SLC35F3: variants seen among roughly 807,000 people sequenced by gnomAD.
SLC35F3 encodes the protein solute carrier family 35 member F3, also known as putative thiamine transporter SLC35F3.
In SLC35F3, 25 loss-of-function variants were observed where a neutral mutation model predicts 49.9. The observed-to-expected ratio is 0.50, with a 90% confidence interval of 0.37 to 0.70. SLC35F3 has a LOEUF of 0.70. Among genes scored for constraint, SLC35F3 ranks in the 30% least tolerant of loss-of-function variants. The pLI is 0.00. For missense variants in SLC35F3, 525 were observed against 639.8 expected, an observed-to-expected ratio of 0.82 and a Z score of 1.94; for synonymous variants, 275 against 265.4, an observed-to-expected ratio of 1.04 and a Z score of -0.35.
chr1:234,243,342 C>T lies in SLC35F3; in HGVS notation c.608+11601C>T, dbSNP rs147260863. 2.6e-3 allele frequency among the ~76,000 whole-genome samples: 394 copies of T among 151,962 alleles called. 2 individuals are homozygous for T. Among genetic ancestry groups the T allele is most frequent in the African/African-American group, 8.7e-3 (360 of 41,440 alleles). ...TAGCCTGGGCGACAGAGTGAGACTC[C>T]GCCTCAAAAAAAAATAATAAAGTGT... On this transcript the variant is annotated intron_variant, in intron 3 of 7. Transcript: ENST00000366618.
intron 2 of SLC35F3, chr1:234,213,740 G>A: frequency 6.6e-6 from 1 of 152,350 alleles, no homozygotes; most frequent in Non-Finnish European, 1.5e-5. Flanking sequence ...GACTGAGGCG[G>A]TGGGGTGGGA....
intron 5 of SLC35F3, 80 bp downstream of exon 5, chr1:234,316,807 A>G (rs1657500978): frequency 6.7e-7 from 1 of 1,500,516 alleles, no homozygotes; most frequent in Admixed American, 1.9e-5. Flanking sequence ...CTTGTCCTTT[A>G]CTTTTCAACA....
chr1:234,159,311 G>T (rs1455520858), intron 2 of SLC35F3, among the ~76,000 whole-genome samples: 2 of 152,168 alleles, frequency 1.3e-5, no homozygotes, highest in Non-Finnish European at 2.9e-5. Context: ...GGGCACGGTG[G>T]TTCACGCCTG....
chr1:234,031,937 C>CA, intron 2 of SLC35F3, among the ~76,000 whole-genome samples: 1 of 152,154 alleles, frequency 6.6e-6, no homozygotes, highest in Non-Finnish European at 1.5e-5. Flanking sequence ...ATACATGAAT[C>CA]AAATAGTTTT....
chr1:234,026,313 G>GT (rs1182987415), intron 2 of SLC35F3, among the ~76,000 whole-genome samples: 1 of 152,170 alleles, frequency 6.6e-6, no homozygotes, highest in Non-Finnish European at 1.5e-5. Context: ...TTTTAGAATA[G>GT]TTTTTTATAG....
intron 2 of SLC35F3, among the ~76,000 whole-genome samples, chr1:233,917,275 A>G (rs1330907556): frequency 1.3e-5 from 2 of 152,156 alleles, no homozygotes; most frequent in East Asian, 3.9e-4. Context: ...TATATTATGT[A>G]CATAATTTTG....
At chr1:233,935,885 C>T (rs1235766785) in intron 2 of SLC35F3, among the ~76,000 whole-genome samples, 1 of 152,164 alleles carries the variant, frequency 6.6e-6, no homozygotes, top group Non-Finnish European at 1.5e-5. Context: ...TTTCATTCAT[C>T]CTCTGCTAAA....
At chr1:234,075,417 T>C (rs1664777629) in intron 2 of SLC35F3, among the ~76,000 whole-genome samples, 1 of 152,180 alleles carries the variant, frequency 6.6e-6, no homozygotes, top group Non-Finnish European at 1.5e-5. Flanking sequence ...TGTACAAAAA[T>C]ACGGGAGCAT....
At chr1:234,090,198 T>G (rs1665021224) in intron 2 of SLC35F3, among the ~76,000 whole-genome samples, 1 of 152,276 alleles carries the variant, frequency 6.6e-6, no homozygotes, top group African/African-American at 2.4e-5. Flanking sequence ...TGAATCATCC[T>G]TAGTCAATGC....
intron 2 of SLC35F3, among the ~76,000 whole-genome samples, chr1:234,122,028 A>G (rs953515462): frequency 6.6e-6 from 1 of 152,226 alleles, no homozygotes. Context: ...CAATAAATAT[A>G]TGTGTGCATG....
intron 2 of SLC35F3, among the ~76,000 whole-genome samples, chr1:234,058,126 G>C (rs1027794083): frequency 8.6e-5 from 13 of 151,788 alleles, no homozygotes; most frequent in Middle Eastern, 3.2e-3. Context: ...TCTAGCCTTA[G>C]GTTTGTTGAG....
rs148701078 is a variant in SLC35F3, at chr1:233,959,368, A to G, written c.283+53610A>G. ...CTTAACTGCAGCTGCTACAGAAAAG[A>G]AAAAAGCAGTAAGTACACATAATGG... On this transcript the variant is annotated intron_variant, in intron 2 of 7. Transcript: ENST00000366618. Among the ~76,000 whole-genome samples, 11 of 152,340 alleles carry G rather than the reference A, an allele frequency of 7.2e-5. No homozygotes were observed. The East Asian group carries it at 2.1e-3, about 29-fold the overall frequency.
chr1:233,905,490 C>G, intron 1 of SLC35F3, 39 bp from the exon 2 acceptor site: 2 of 1,474,974 alleles, frequency 1.4e-6, no homozygotes, highest in Non-Finnish European at 1.9e-6. Context: ...TCCATGCTCC[C>G]CCTGCCCACC....
chr1:234,089,186 C>A (rs1665005980), intron 2 of SLC35F3, among the ~76,000 whole-genome samples: 1 of 152,168 alleles, frequency 6.6e-6, no homozygotes, highest in Non-Finnish European at 1.5e-5. Context: ...CGAGCATAGT[C>A]CCAGCTCCTC....
chr1:234,280,047 G>A (rs1473695691), intron 3 of SLC35F3, among the ~76,000 whole-genome samples: 1 of 152,188 alleles, frequency 6.6e-6, no homozygotes, highest in African/African-American at 2.4e-5. Flanking sequence ...ACCTAGAGGG[G>A]TCTCCTCTGT....
intron 2 of SLC35F3, among the ~76,000 whole-genome samples, chr1:234,159,709 G>A (rs1272786650): frequency 5.3e-5 from 8 of 152,042 alleles, no homozygotes; most frequent in Non-Finnish European, 1.2e-4. Context: ...TCAAAATTTT[G>A]TTTCACATCT....
intron 2 of SLC35F3, among the ~76,000 whole-genome samples, chr1:233,939,513 AT>A (rs1662387870): frequency 6.6e-6 from 1 of 152,208 alleles, no homozygotes; most frequent in South Asian, 2.1e-4. Context: ...ATCTCAGCTT[AT>A]ATTAGAACTG....
chr1:233,962,573 T>G (rs1193175215), intron 2 of SLC35F3, among the ~76,000 whole-genome samples: 1 of 152,254 alleles, frequency 6.6e-6, no homozygotes, highest in Non-Finnish European at 1.5e-5. Context: ...AGGTCTTTGG[T>G]AATGTCTACA....
Position 234,309,302 on chromosome 1 carries a change from C to G in SLC35F3, c.810C>G (p.Asp270Glu). The change falls in exon 4 of 8, where the codon GAC becomes GAG. Residue 270 changes from aspartate (D) to glutamate (E), a missense_variant. Asp to Glu is a conservative substitution (Grantham distance 45, BLOSUM62 2). Coordinates refer to ENST00000366618, the MANE Select transcript of SLC35F3 (RefSeq NM_173508.4). ...VFLLSWIVLR[D>E]RFMGVRIVAA... ...TGCTCTCATGGATCGTTCTCAGGGACAGATTCATGGGAGTGAGGGTAAGTT... is the reference window on the plus strand; with the variant it reads ...TGCTCTCATGGATCGTTCTCAGGGAGAGATTCATGGGAGTGAGGGTAAGTT... The G allele has an allele frequency of 6.2e-7, 1 of 1,614,180 alleles. No homozygotes were observed. Among genetic ancestry groups the G allele is most frequent in the Non-Finnish European group, 8.5e-7 (1 of 1,179,988 alleles).
Sources: gnomAD v4.1 joint callset for allele counts (sites outside exome capture counted in the v4.1 genomes callset) on GRCh38, gnomAD v4.1.1 for gene constraint, MANE v1.5 for transcripts, NCBI Gene and HGNC (gene_info 2026-07-23, HGNC 2026-07-21) for gene names.